The following CDV3 variants were observed in gnomAD, a reference collection of about 807,000 sequenced individuals.
CDV3 encodes protein CDV3 homolog.
Under a neutral mutation model 24.5 loss-of-function variants are expected in CDV3, and 14 were observed. The ratio of observed to expected loss-of-function variants is 0.57; its 90% CI spans 0.38 to 0.89. CDV3 has a LOEUF of 0.89. Among genes scored for constraint, CDV3 ranks in the 40% least tolerant of loss-of-function variants. CDV3 has a pLI of 0.00. For synonymous variants in CDV3, 114 were observed against 114.1 expected (o/e 1.00, Z 0.00); for missense variants, 304 against 310.2 (o/e 0.98, Z 0.15).
Position 133,587,961 on chromosome 3 carries a change from C to CA in CDV3, c.698dup (p.Asn233LysfsTer5), listed in dbSNP as rs753789681. The CA allele has an allele frequency of 1.4e-5, 23 of 1,613,982 alleles. No individual in the cohort carries two copies. The South Asian group carries it at 2.3e-4, about 16-fold the overall frequency. ...AAAAATAGAGGTAGGGATGAGGTTT[C>CA]AAAAAACCAGGCCCTTAAACTTCAG... On this transcript the variant is annotated frameshift_variant, in exon 5 of 5. Coordinates refer to ENST00000264993, the MANE Select transcript of CDV3 (RefSeq NM_017548.5). LOFTEE classifies it high-confidence loss of function.
rs1933905588 is a variant in CDV3 at position 133,589,293 on chromosome 3, A to G, written c.*1247A>G. ...TATAGATGCAGTGATTGTCCCAGCTAGCTCTGTTACCAGCCTTTTGGTGTG... is the reference window on the plus strand; with the variant it reads ...TATAGATGCAGTGATTGTCCCAGCTGGCTCTGTTACCAGCCTTTTGGTGTG... On this transcript the variant is annotated 3_prime_UTR_variant, in exon 5 of 5. Transcript: ENST00000264993. The G allele has an allele frequency of 6.5e-6, 1 of 152,676 alleles. No individual in the cohort carries two copies. Among genetic ancestry groups the G allele is most frequent in the Non-Finnish European group, 1.5e-5 (1 of 68,052 alleles). 9.5% of individuals were successfully genotyped at this position (152,676 alleles called of 1,614,324 possible). A position where few individuals can be genotyped will look rare whatever the true frequency, so the allele number is the denominator to read the frequency against.
chr3:133,586,532 A>G (rs776156620), intron 3 of CDV3, 31 bp from the exon 4 acceptor site: 14 of 1,206,760 alleles, frequency 1.2e-5, no homozygotes, highest in South Asian at 3.9e-5. Context: ...GCATTTAAAT[A>G]GTTTATCTAA....
At chr3:133,587,793 A>G (rs780122321) in intron 4 of CDV3, 103 bp from the exon 5 acceptor site, 94 of 1,493,092 alleles carry the variant, frequency 6.3e-5, no homozygotes, top group Middle Eastern at 2.5e-4. Context: ...ACCCCTCCCC[A>G]GGATTCTTCT....
rs1371360287 is a variant in CDV3 at position 133,573,966 on chromosome 3, G to T, written c.-79G>T. 4 of 998,584 alleles carry T rather than the reference G, an allele frequency of 4.0e-6. No individual in the cohort carries two copies. Among genetic ancestry groups the T allele is most frequent in the South Asian group, 9.2e-5 (2 of 21,718 alleles). 61.9% of individuals were successfully genotyped at this position (998,584 alleles called of 1,614,324 possible). A position where few individuals can be genotyped will look rare whatever the true frequency, so the allele number is the denominator to read the frequency against. ...CGCCCGGCAGCGTGAGCGCAGAGCC[G>T]GCCTCGACCCCGAGCTCGGAGCCCC... On this transcript the variant is annotated 5_prime_UTR_variant, in exon 1 of 5. Transcript: ENST00000264993.
At chr3:133,587,783 A>G in intron 4 of CDV3, 113 bp from the exon 5 acceptor site, 5 of 1,479,914 alleles carry the variant, frequency 3.4e-6, no homozygotes, top group Non-Finnish European at 3.6e-6. Flanking sequence ...CTCCACTCCT[A>G]CCCCTCCCCA....
At position 133,588,489 on chromosome 3, in the gene CDV3, T is replaced by C; in HGVS notation, c.*443T>C. The C allele has an allele frequency of 1.0e-6, 1 of 964,376 alleles. No homozygotes were observed. Among genetic ancestry groups the C allele is most frequent in the Non-Finnish European group, 1.6e-6 (1 of 644,328 alleles). The allele number at this position is 964,376 out of a possible 1,614,324, so 59.7% of individuals were successfully genotyped here. ...AACCTTGCAACCAGCTCTACTGGAT[T>C]CTTATCAGAAATCCTGCATAAAAAG... On this transcript the variant is annotated 3_prime_UTR_variant, in exon 5 of 5. Transcript: ENST00000264993.
At chr3:133,575,631 A>G (rs1022253288) in intron 2 of CDV3, among the ~76,000 whole-genome samples, 2 of 152,234 alleles carry the variant, frequency 1.3e-5, no homozygotes, top group African/African-American at 2.4e-5. Flanking sequence ...TTCCCCTCCT[A>G]ACACATACTC....
intron 2 of CDV3, among the ~76,000 whole-genome samples, chr3:133,577,869 T>C (rs899285031): frequency 6.6e-6 from 1 of 152,240 alleles, no homozygotes; most frequent in Non-Finnish European, 1.5e-5. Context: ...TAACAGATCT[T>C]ATTCAAGGTC....
At chr3:133,574,548 C>G (rs2074728082) in intron 1 of CDV3, 2 of 986,118 alleles carry the variant, frequency 2.0e-6, no homozygotes, top group East Asian at 1.1e-4. Context: ...TCCGGGGGCA[C>G]TAGGTCTGGG....
intron 2 of CDV3, 65 bp from the exon 3 acceptor site, chr3:133,583,937 C>T: frequency 8.4e-7 from 1 of 1,191,028 alleles, no homozygotes; most frequent in South Asian, 1.4e-5. Flanking sequence ...ATGGATAAAA[C>T]TAACGATTTG....
chr3:133,582,321 T>C (rs1248316774), intron 2 of CDV3, among the ~76,000 whole-genome samples: 1 of 152,050 alleles, frequency 6.6e-6, no homozygotes, highest in East Asian at 1.9e-4. Flanking sequence ...CTGGCTAATT[T>C]TTGTGTTTTT....
At chr3:133,574,831 A>G in intron 1 of CDV3, 6 of 759,604 alleles carry the variant, frequency 7.9e-6, no homozygotes, top group Non-Finnish European at 9.3e-6. Flanking sequence ...CCATGCAGGA[A>G]CCCAGCGGAA....
At chr3:133,587,348 C>T in intron 4 of CDV3, 3 of 1,245,314 alleles carry the variant, frequency 2.4e-6, no homozygotes, top group Non-Finnish European at 3.0e-6. Context: ...GAGAGCACAG[C>T]TGGCTTGAAT....
chr3:133,587,981 C>G lies in CDV3; in HGVS notation c.712C>G (p.Leu238Val). 1 of 1,614,092 alleles carries G rather than the reference C, an allele frequency of 6.2e-7. No individual in the cohort carries two copies. The highest frequency in any genetic ancestry group is 8.5e-7 in the Non-Finnish European group (1 of 1,179,994). ...GGTTTCAAAAAACCAGGCCCTTAAA[C>G]TTCAGCTAGACAACCAATATGCTGT... ...DEVSKNQALK[L>V]QLDNQYAVLE... is the part of the protein sequence containing the mutation. Residue 238 changes from leucine (L) to valine (V), a missense_variant, in exon 5 of 5, where the codon CTT becomes GTT. Physicochemically the swap from Leu to Val is conservative, Grantham distance 32. Around this residue, in one of 3 missense-constraint regions of CDV3, gnomAD observed 56 missense variants for 50.9 expected, o/e 1.10. Coordinates refer to ENST00000264993, the MANE Select transcript of CDV3 (RefSeq NM_017548.5).
intron 2 of CDV3, among the ~76,000 whole-genome samples, chr3:133,583,346 A>G (rs1411697064): frequency 4.6e-5 from 7 of 152,332 alleles, no homozygotes; most frequent in South Asian, 2.1e-4. Context: ...TTTGCTCACT[A>G]AAAATATGCT....
At chr3:133,587,779 T>A in intron 4 of CDV3, 117 bp from the exon 5 acceptor site, 1 of 1,475,124 alleles carries the variant, frequency 6.8e-7, no homozygotes. Flanking sequence ...ATGCCTCCAC[T>A]CCTACCCCTC....
rs869170539 is a variant in CDV3, at chr3:133,576,864, T to TTTTTTTTTTTTTA, written c.317+1749_317+1750insTTTTTTTTTTTTA. ...AGCTTTTTTTTTTTTTTTTTTTTTT[T>TTTTTTTTTTTTTA]GAGACGAAGTTTCCCTCTTGTTGCC... On this transcript the variant is annotated intron_variant, in intron 2 of 4. Transcript: ENST00000264993. Among the ~76,000 whole-genome samples the TTTTTTTTTTTTTA allele has an allele frequency of 1.4e-5, 2 of 139,860 alleles. 1 individual carries two copies. Among genetic ancestry groups the TTTTTTTTTTTTTA allele is most frequent in the South Asian group, 4.5e-4 (2 of 4,404 alleles). The allele number at this position is 139,860 out of a possible 152,430, so 91.8% of individuals were successfully genotyped here.
intron 2 of CDV3, among the ~76,000 whole-genome samples, chr3:133,578,673 G>A (rs1426446737): frequency 6.6e-6 from 1 of 152,206 alleles, no homozygotes; most frequent in Non-Finnish European, 1.5e-5. Flanking sequence ...CTCCAGGCCA[G>A]GCATAGCTGA....
At chr3:133,574,953 A>T in intron 1 of CDV3, 86 bp from the exon 2 acceptor site, 2 of 897,582 alleles carry the variant, frequency 2.2e-6, no homozygotes, top group Non-Finnish European at 3.6e-6. Context: ...GGTTCCAGCC[A>T]CTTGATCCAC....
Sources: gnomAD v4.1 joint callset for allele counts (sites outside exome capture counted in the v4.1 genomes callset) on GRCh38, gnomAD v4.1.1 for gene constraint, gnomAD v4.1.1 regional missense constraint, MANE v1.5 for transcripts, NCBI Gene and HGNC (gene_info 2026-07-23, HGNC 2026-07-21) for gene names.